The following PPP2R1B variants were observed in gnomAD, a reference collection of about 807,000 sequenced individuals.
The protein encoded by PPP2R1B is protein phosphatase 2 scaffold subunit Abeta, also known as serine/threonine-protein phosphatase 2A 65 kDa regulatory subunit A beta isoform.
Under a neutral mutation model 72.7 loss-of-function variants are expected in PPP2R1B, and 58 were observed. The ratio of observed to expected loss-of-function variants is 0.80; its 90% CI spans 0.65 to 0.99. PPP2R1B has a LOEUF of 0.99. Among genes scored for constraint, PPP2R1B ranks in the 50% least tolerant of loss-of-function variants. The probability of loss-of-function intolerance (pLI) is 0.00; values close to 1 mark genes in which losing one functional copy is unlikely to be tolerated. For missense variants in PPP2R1B, 695 were observed against 733.6 expected, an observed-to-expected ratio of 0.95 and a Z score of 0.61; for synonymous variants, 256 against 264.6, an observed-to-expected ratio of 0.97 and a Z score of 0.32.
the PPP2R1B span, among the ~76,000 whole-genome samples, chr11:111,708,491 AG>A: frequency 1.3e-5 from 2 of 152,240 alleles, no homozygotes; most frequent in African/African-American, 2.4e-5. Context: ...TATAACATGC[AG>A]GAAGTATTAG....
At chr11:111,758,056 C>A (rs1052504394) in intron 5 of PPP2R1B, among the ~76,000 whole-genome samples, 2 of 152,178 alleles carry the variant, frequency 1.3e-5, no homozygotes, top group African/African-American at 2.4e-5. Flanking sequence ...TCCTTTCCAT[C>A]TTCACTACCA....
At chr11:111,755,517 T>G in intron 5 of PPP2R1B, 67 bp from the exon 6 acceptor site, 1 of 1,445,044 alleles carries the variant, frequency 6.9e-7, no homozygotes, top group Non-Finnish European at 9.2e-7. Context: ...TGTGGGGTGG[T>G]GCAGGTGTTT....
chr11:111,710,581 T>G, the PPP2R1B span, among the ~76,000 whole-genome samples: 1 of 152,224 alleles, frequency 6.6e-6, no homozygotes, highest in Non-Finnish European at 1.5e-5. Flanking sequence ...CTGCATTCAT[T>G]TTGCAAACTA....
chr11:111,713,302 C>T, the PPP2R1B span, among the ~76,000 whole-genome samples: 5 of 152,130 alleles, frequency 3.3e-5, no homozygotes, highest in Non-Finnish European at 4.4e-5. Flanking sequence ...TTAGCATAAG[C>T]GATGTATAGA....
intron 11 of PPP2R1B, among the ~76,000 whole-genome samples, chr11:111,746,495 G>A (rs1164784848): frequency 6.6e-6 from 1 of 152,216 alleles, no homozygotes; most frequent in East Asian, 1.9e-4. Context: ...GCGAGGGGAG[G>A]GAGAGCATTA....
chr11:111,694,369 A>G, the PPP2R1B span, among the ~76,000 whole-genome samples: 14 of 152,176 alleles, frequency 9.2e-5, no homozygotes, highest in African/African-American at 3.4e-4. Context: ...TGTAATTAGT[A>G]TTGTATAATT....
Position 111,738,491 on chromosome 11 carries a change from C to T in PPP2R1B, c.*3105G>A. On this transcript the variant is annotated 3_prime_UTR_variant, in exon 15 of 15. Transcript: ENST00000527614. ...AGGTTAACCGCCGGGTCAGGAAGGA[C>T]AGGCTTGCTTCCCTGGAAGTCTACG... 1.0e-6 allele frequency: 1 copy of T among 985,472 alleles called. No homozygotes were observed. Among genetic ancestry groups the T allele is most frequent in the Non-Finnish European group, 1.2e-6 (1 of 829,952 alleles). The allele number at this position is 985,472 out of a possible 1,614,324, so 61.0% of individuals were successfully genotyped here. A position where few individuals can be genotyped will look rare whatever the true frequency, so the allele number is the denominator to read the frequency against.
At chr11:111,711,742 G>C in the PPP2R1B span, among the ~76,000 whole-genome samples, 2 of 152,198 alleles carry the variant, frequency 1.3e-5, no homozygotes, top group Non-Finnish European at 2.9e-5. Context: ...GGCGGGTAGG[G>C]CAGGCAGAGA....
the PPP2R1B span, among the ~76,000 whole-genome samples, chr11:111,719,363 T>A: frequency 4.0e-5 from 6 of 149,182 alleles, no homozygotes; most frequent in Non-Finnish European, 6.0e-5. Context: ...CCCCTTTTTT[T>A]TTTTTTTTTT....
intron 5 of PPP2R1B, among the ~76,000 whole-genome samples, chr11:111,758,198 T>C (rs1159604405): frequency 6.6e-6 from 1 of 152,248 alleles, no homozygotes; most frequent in Non-Finnish European, 1.5e-5. Flanking sequence ...TTCTTTTTTC[T>C]TATAAAAACA....
chr11:111,697,984 C>G, the PPP2R1B span, among the ~76,000 whole-genome samples: 5 of 152,142 alleles, frequency 3.3e-5, no homozygotes, highest in African/African-American at 9.7e-5. Flanking sequence ...GCCCTCCAGC[C>G]TGGGCAACAG....
At chr11:111,762,037 G>A (rs1555051587) in intron 3 of PPP2R1B, among the ~76,000 whole-genome samples, 21 of 152,224 alleles carry the variant, frequency 1.4e-4, no homozygotes. Context: ...CAAATGGGGT[G>A]GATGGTCTGG....
the PPP2R1B span, among the ~76,000 whole-genome samples, chr11:111,694,934 C>T: frequency 1.3e-5 from 2 of 152,194 alleles, no homozygotes; most frequent in African/African-American, 4.8e-5. Context: ...CACATTTCAT[C>T]TCAACTGTGA....
intron 5 of PPP2R1B, among the ~76,000 whole-genome samples, chr11:111,755,823 C>T (rs1269412034): frequency 1.3e-5 from 2 of 152,036 alleles, no homozygotes; most frequent in Non-Finnish European, 2.9e-5. Flanking sequence ...CTCCTGACCT[C>T]AAATGATCCA....
chr11:111,720,626 G>A, the PPP2R1B span: 2 of 1,614,058 alleles, frequency 1.2e-6, no homozygotes, highest in African/African-American at 1.3e-5. Flanking sequence ...CACCCCGCAT[G>A]ACATCTCCCT....
At chr11:111,719,151 GCTGT>G in the PPP2R1B span, among the ~76,000 whole-genome samples, 1 of 152,176 alleles carries the variant, frequency 6.6e-6, no homozygotes, top group African/African-American at 2.4e-5. Context: ...GGAGGCTTTG[GCTGT>G]CTGCCATTTG....
the PPP2R1B span, among the ~76,000 whole-genome samples, chr11:111,713,112 C>G: frequency 6.6e-6 from 1 of 152,156 alleles, no homozygotes; most frequent in African/African-American, 2.4e-5. Flanking sequence ...TGGCAGTGAG[C>G]CGAGATCACA....
chr11:111,764,723 T>C (rs1945454753), intron 3 of PPP2R1B, 82 bp downstream of exon 3: 3 of 1,361,566 alleles, frequency 2.2e-6, no homozygotes, highest in Non-Finnish European at 3.1e-6. Context: ...TAAAAAATGC[T>C]GCAGTGTGTC....
Position 111,742,674 on chromosome 11 carries a change from A to G in PPP2R1B, c.1555-9T>C. On this transcript the variant is annotated splice_polypyrimidine_tract_variant and intron_variant, in intron 12 of 14. Coordinates refer to ENST00000527614, the MANE Select transcript of PPP2R1B (RefSeq NM_002716.5). The stretch of plus-strand genomic sequence containing the variant: ...CAGGCCTCAGACAGTGCCTAGAAAA[A>G]TAAGTAAGATGGCACATTTAAAATA... 1 of 1,589,478 alleles carries G rather than the reference A, an allele frequency of 6.3e-7. No homozygotes were observed. The highest frequency in any genetic ancestry group is 8.6e-7 in the Non-Finnish European group (1 of 1,167,962).
Sources: gnomAD v4.1 joint callset for allele counts (sites outside exome capture counted in the v4.1 genomes callset) on GRCh38, gnomAD v4.1.1 for gene constraint, MANE v1.5 for transcripts, NCBI Gene and HGNC (gene_info 2026-07-23, HGNC 2026-07-21) for gene names.